Variants in GIGYF1 observed in about 807,000 individuals in gnomAD.
GIGYF1 encodes GRB10 interacting GYF protein 1.
Under a neutral mutation model 147.1 loss-of-function variants are expected in GIGYF1, and 84 were observed. The observed-to-expected ratio is 0.57, with a 90% CI of 0.48 to 0.68. The LOEUF (loss-of-function observed/expected upper bound fraction) is 0.68. Among genes scored for constraint, GIGYF1 ranks in the 30% least tolerant of loss-of-function variants. The pLI is 0.00. For synonymous variants in GIGYF1, 752 were observed against 589.5 expected (o/e 1.28, Z -3.99); for missense variants, 1,485 against 1,393.7 (o/e 1.07, Z -1.04).
intron 14 of GIGYF1, 37 bp downstream of exon 14, chr7:100,685,012 T>C (rs1164673946): frequency 9.7e-6 from 15 of 1,549,984 alleles, no homozygotes; most frequent in South Asian, 1.2e-5. Flanking sequence ...AGGTCAGAAG[T>C]GGGAAGGGTC....
chr7:100,682,337 T>C lies in GIGYF1; in HGVS notation c.2746A>G (p.Thr916Ala). Reference protein sequence around the residue: ...CEQMLHTLSATGSLDVPMAVA... With the variant: ...CEQMLHTLSAAGSLDVPMAVA... ...GCTCGCCCACCGTCCAGGCTGCCCGTGGCGCTCAGCGTGTGCAGCATCTGC... is the reference window on the plus strand; with the variant it reads ...GCTCGCCCACCGTCCAGGCTGCCCGCGGCGCTCAGCGTGTGCAGCATCTGC... Residue 916 changes from threonine to alanine, a missense_variant, in exon 24 of 27, where the codon ACG (threonine) becomes GCG (alanine). By Grantham distance (58) the Thr-to-Ala change is moderately conservative (BLOSUM62 0). Coordinates refer to ENST00000678049, the MANE Select transcript of GIGYF1 (RefSeq NM_001375765.1). 6 of 1,612,650 alleles carry C rather than the reference T, an allele frequency of 3.7e-6. No homozygotes were observed. The highest frequency in any genetic ancestry group is 5.1e-6 in the Non-Finnish European group (6 of 1,179,772).
chr7:100,684,760 C>T lies in GIGYF1; in HGVS notation c.1425G>A (p.Arg475=), dbSNP rs1256828706. The T allele has an allele frequency of 3.1e-6, 5 of 1,612,188 alleles. No individual in the cohort carries two copies. The highest frequency in any genetic ancestry group is 3.4e-6 in the Non-Finnish European group (4 of 1,179,282). ...TALPLSHGAA[R]KWFYKDPQGE... is the part of the protein sequence containing the mutation. ...CCTGTGGGTCCTTGTAGAACCACTTCCGGGCAGCCCCATGGCTGAGCGGGA... is the reference window on the plus strand; with the variant it reads ...CCTGTGGGTCCTTGTAGAACCACTTTCGGGCAGCCCCATGGCTGAGCGGGA... The change falls in exon 15 of 27, where the codon CGG becomes CGA. Residue 475 remains arginine, a synonymous_variant. Coordinates refer to ENST00000678049, the MANE Select transcript of GIGYF1 (RefSeq NM_001375765.1).
chr7:100,692,610 G>A (rs983702645), intron 1 of GIGYF1, among the ~76,000 whole-genome samples: 1 of 152,208 alleles, frequency 6.6e-6, no homozygotes, highest in African/African-American at 2.4e-5. Context: ...TCCAATAGCA[G>A]ATGTAAAAGT....
chr7:100,690,187 G>A lies in GIGYF1; in HGVS notation c.-1098-632C>T, dbSNP rs142239292. Among the ~76,000 whole-genome samples, 252 of 152,298 alleles carry A rather than the reference G, an allele frequency of 1.7e-3. 1 individual carries two copies. The highest frequency in any genetic ancestry group is 5.8e-3 in the African/African-American group (240 of 41,554). On this transcript the variant is annotated intron_variant, in intron 1 of 26. Coordinates refer to ENST00000678049, the MANE Select transcript of GIGYF1 (RefSeq NM_001375765.1). ...CTTTAGGGAACAAAAGGTATCTGGA[G>A]ATAACCACCGCATACCTAAGTTTTC... is the stretch of plus-strand genomic sequence containing the variant.
Position 100,686,298 on chromosome 7 carries a change from C to T in GIGYF1, c.830G>A (p.Arg277Gln), listed in dbSNP as rs751155257. The T allele has an allele frequency of 3.0e-5, 49 of 1,613,950 alleles. No homozygotes were observed. The highest frequency in any genetic ancestry group is 1.6e-4 in the Middle Eastern group (1 of 6,084). ...CTCAAAGCCTTCAGGCGCTCGGCACCGCCGCAGGTGAGAGCTGCCTCCCCC... is the reference window on the plus strand; with the variant it reads ...CTCAAAGCCTTCAGGCGCTCGGCACTGCCGCAGGTGAGAGCTGCCTCCCCC... ...RGGGGSSHLRRCRAPEGFEED... is the reference protein window; with the variant it reads ...RGGGGSSHLRQCRAPEGFEED... The change falls in exon 11 of 27, where the codon CGG becomes CAG. Residue 277 changes from arginine (R) to glutamine (Q), a missense_variant. Transcript: ENST00000678049.
chr7:100,686,914 C>T (rs1293067044), intron 9 of GIGYF1, 92 bp downstream of exon 9: 4 of 1,600,634 alleles, frequency 2.5e-6, no homozygotes, highest in Non-Finnish European at 3.4e-6. Flanking sequence ...GGCCCTCCTG[C>T]CCCCAACACC....
Position 100,688,607 on chromosome 7 carries a change from G to A in GIGYF1, c.-150C>T, listed in dbSNP as rs761148673. ...CGGGGCTCACCTGGCAGCCTGGCCC[G>A]GGAAGAAGGAGGGCAGGGGCTGGTG... On this transcript the variant is annotated 5_prime_UTR_variant, in exon 2 of 27. Transcript: ENST00000678049. 100 of 508,192 alleles carry A rather than the reference G, an allele frequency of 2.0e-4. No homozygotes were observed. Among genetic ancestry groups the A allele is most frequent in the South Asian group, 2.7e-4 (17 of 63,438 alleles). The allele number at this position is 508,192 out of a possible 1,614,324, so 31.5% of individuals were successfully genotyped here.
chr7:100,683,966 C>A, intron 18 of GIGYF1, 48 bp from the exon 19 acceptor site: 1 of 1,572,910 alleles, frequency 6.4e-7, no homozygotes, highest in Admixed American at 1.9e-5. Context: ...CATCTCTGGT[C>A]TGCCCCCATC....
chr7:100,683,517 TCCCAGGGCCTCAGC>T lies in GIGYF1; in HGVS notation c.2052+19_2052+32del. On this transcript the variant is annotated intron_variant, in intron 20 of 26. Transcript: ENST00000678049. Reference sequence around the variant, plus strand: ...GGGCCTGCCTCGGTCCACCCTTCATTCCCAGGGCCTCAGCCCCAGGATGCCCACTCACTTTATGT... The same window carrying T: ...GGGCCTGCCTCGGTCCACCCTTCATTCCCAGGATGCCCACTCACTTTATGT... 4 of 1,613,754 alleles carry T rather than the reference TCCCAGGGCCTCAGC, an allele frequency of 2.5e-6. No individual in the cohort carries two copies. The highest frequency in any genetic ancestry group is 3.4e-6 in the Non-Finnish European group (4 of 1,179,602).
Position 100,685,330 on chromosome 7 carries a change from T to A in GIGYF1, c.1192+14A>T, listed in dbSNP as rs199624326. ...CCCAGCGCACCCGGGAGGTAGGCCA[T>A]CCTCCCTTCCTACCTTCGGCCGCTG... On this transcript the variant is annotated intron_variant, in intron 13 of 26. Transcript: ENST00000678049. 3.4e-3 allele frequency: 5,438 copies of A among 1,584,222 alleles called. 10 individuals carry two copies. The highest frequency in any genetic ancestry group is 3.5e-3 in the Non-Finnish European group (4,130 of 1,168,582).
chr7:100,682,836 G>T (rs1344319479), intron 22 of GIGYF1, 59 bp from the exon 23 acceptor site: 1 of 1,482,292 alleles, frequency 6.7e-7, no homozygotes, highest in East Asian at 2.3e-5. Context: ...AAGCGGATGG[G>T]GAGGCTTGTT....
intron 22 of GIGYF1, 102 bp downstream of exon 22, chr7:100,682,910 T>TG: frequency 7.8e-7 from 1 of 1,278,412 alleles, no homozygotes; most frequent in Non-Finnish European, 1.1e-6. Flanking sequence ...CAGGAGAGGC[T>TG]GGGACTGGGG....
At position 100,688,119 on chromosome 7, in the gene GIGYF1, AAC is replaced by A. The variant is rs753855168; in HGVS notation, c.36-11_36-10del. 4 of 1,605,724 alleles carry A rather than the reference AAC, an allele frequency of 2.5e-6. No homozygotes were observed. Among genetic ancestry groups the A allele is most frequent in the East Asian group, 2.2e-5 (1 of 44,710 alleles). ...CGGACAGGGCCCTGAGCCTGGACACAACACAGAGAGAAGAAGACAGAGGTCAG... is the reference window on the plus strand; with the variant it reads ...CGGACAGGGCCCTGAGCCTGGACACAACAGAGAGAAGAAGACAGAGGTCAG... On this transcript the variant is annotated splice_polypyrimidine_tract_variant and intron_variant, in intron 4 of 26. Transcript: ENST00000678049.
At position 100,680,088 on chromosome 7, in the gene GIGYF1, C is replaced by T. The variant is rs1048433887; in HGVS notation, c.*1631G>A. On this transcript the variant is annotated 3_prime_UTR_variant, in exon 27 of 27. Coordinates refer to ENST00000678049, the MANE Select transcript of GIGYF1 (RefSeq NM_001375765.1). Reference sequence around the variant, plus strand: ...TCAGGGACGCTAACACTGTGGGAACCAGGGAGAGGCAGGTGGGGGCCCCCC... The same window carrying T: ...TCAGGGACGCTAACACTGTGGGAACTAGGGAGAGGCAGGTGGGGGCCCCCC... The T allele has an allele frequency of 3.4e-5, 5 of 147,238 alleles. No individual in the cohort carries two copies. Among genetic ancestry groups the T allele is most frequent in the African/African-American group, 1.3e-4 (5 of 39,208 alleles). 9.1% of individuals were successfully genotyped at this position (147,238 alleles called of 1,614,324 possible). A position where few individuals can be genotyped will look rare whatever the true frequency, so the allele number is the denominator to read the frequency against.
chr7:100,682,279 G>A (rs750168524), intron 24 of GIGYF1, 43 bp downstream of exon 24: 69 of 1,608,052 alleles, frequency 4.3e-5, no homozygotes, highest in Non-Finnish European at 5.3e-5. Flanking sequence ...GGCCGGGTCT[G>A]GAGACCCAGG....
At position 100,685,347 on chromosome 7, in the gene GIGYF1, C is replaced by T. The variant is rs143205357; in HGVS notation, c.1189G>A (p.Glu397Lys). ...ETAEKEPPAAEDDIRGIQLSP... is the reference protein window; with the variant it reads ...ETAEKEPPAAKDDIRGIQLSP... ...GTAGGCCATCCTCCCTTCCTACCTT[C>T]GGCCGCTGGGGGCTCTTTCTCTGCA... is the stretch of plus-strand genomic sequence containing the variant. The change falls in exon 13 of 27, where the codon GAA becomes AAA. Residue 397 changes from glutamate (E) to lysine (K), a missense_variant. Coordinates refer to ENST00000678049, the MANE Select transcript of GIGYF1 (RefSeq NM_001375765.1). The T allele has an allele frequency of 7.8e-5, 124 of 1,595,558 alleles. No homozygotes were observed. The African/African-American group carries it at 9.8e-4, about 13-fold the overall frequency.
At chr7:100,684,993 A>G (rs1805178918) in intron 14 of GIGYF1, 56 bp downstream of exon 14, 2 of 1,559,678 alleles carry the variant, frequency 1.3e-6, no homozygotes, top group Non-Finnish European at 1.7e-6. Context: ...GGCTGGGGCC[A>G]AGCAGGTCAG....
At chr7:100,685,251 TG>T (rs1805206428) in intron 13 of GIGYF1, 92 bp downstream of exon 13, 1 of 1,534,036 alleles carries the variant, frequency 6.5e-7, no homozygotes, top group Non-Finnish European at 8.8e-7. Flanking sequence ...GGCTCCTCAA[TG>T]TGAATGCCCT....
At chr7:100,687,479 C>T in intron 7 of GIGYF1, 26 bp downstream of exon 7, 1 of 1,606,750 alleles carries the variant, frequency 6.2e-7, no homozygotes, top group Non-Finnish European at 8.5e-7. Flanking sequence ...TCTGCCCGTC[C>T]CCAGGACACG....
Sources: allele counts gnomAD v4.1 joint callset (sites outside exome capture counted in the v4.1 genomes callset), GRCh38; gene constraint gnomAD v4.1.1; transcripts MANE v1.5; gene names NCBI Gene and HGNC (gene_info 2026-07-23, HGNC 2026-07-21).